The following THSD7A variants were observed in gnomAD, a reference collection of about 807,000 sequenced individuals.
The protein encoded by THSD7A is thrombospondin type 1 domain containing 7A, also known as thrombospondin type-1 domain-containing protein 7A.
A neutral mutation model predicts 231.3 loss-of-function variants in THSD7A; 96 were observed. The ratio of observed to expected loss-of-function variants is 0.41; its 90% CI spans 0.35 to 0.49. THSD7A has a LOEUF of 0.49. THSD7A is among the 20% of genes least tolerant of loss of function. The pLI, the probability that THSD7A is intolerant of heterozygous loss-of-function variation, is 0.05. For missense variants in THSD7A, 2,290 were observed against 2,070.2 expected (o/e 1.11, Z -2.06); for synonymous variants, 940 against 743.3 (o/e 1.26, Z -4.30).
chr7:11,471,577 A>G (rs551860248), intron 8 of THSD7A, among the ~76,000 whole-genome samples: 1 of 152,008 alleles, frequency 6.6e-6, no homozygotes, highest in Non-Finnish European at 1.5e-5. Context: ...TTACTTTAAA[A>G]CCCCAGTGTT....
chr7:11,539,488 A>G (rs1470422196), intron 6 of THSD7A, among the ~76,000 whole-genome samples: 1 of 152,216 alleles, frequency 6.6e-6, no homozygotes, highest in Non-Finnish European at 1.5e-5. Context: ...TACACAAAGT[A>G]AAACCAGCTC....
At chr7:11,502,413 C>A (rs758411887) in intron 6 of THSD7A, among the ~76,000 whole-genome samples, 12 of 152,158 alleles carry the variant, frequency 7.9e-5, no homozygotes, top group Non-Finnish European at 1.5e-4. Flanking sequence ...CCAAATCCAG[C>A]AGCACGTCAA....
At chr7:11,573,177 C>T (rs914172433) in intron 4 of THSD7A, among the ~76,000 whole-genome samples, 10 of 152,192 alleles carry the variant, frequency 6.6e-5, no homozygotes, top group Non-Finnish European at 1.2e-4. Context: ...CAGCATCACT[C>T]AGCACTGTGC....
intron 6 of THSD7A, among the ~76,000 whole-genome samples, chr7:11,512,400 A>G (rs1283767178): frequency 6.6e-6 from 1 of 152,176 alleles, no homozygotes; most frequent in Admixed American, 6.5e-5. Flanking sequence ...ATCTAGAACT[A>G]GAAATACCAT....
intron 1 of THSD7A, among the ~76,000 whole-genome samples, chr7:11,803,577 T>C: frequency 6.6e-6 from 1 of 152,090 alleles, no homozygotes; most frequent in East Asian, 1.9e-4. Flanking sequence ...GCATTTTGCT[T>C]TGGGCACAGA....
chr7:11,528,195 C>T (rs994940854), intron 6 of THSD7A, among the ~76,000 whole-genome samples: 1 of 151,962 alleles, frequency 6.6e-6, no homozygotes, highest in Non-Finnish European at 1.5e-5. Context: ...TAGAAAACAA[C>T]ACGTGGCTTC....
intron 11 of THSD7A, among the ~76,000 whole-genome samples, chr7:11,451,779 C>A (rs766960592): frequency 1.1e-4 from 16 of 152,002 alleles, no homozygotes; most frequent in Non-Finnish European, 4.4e-5. Context: ...ACTGATGCAG[C>A]TCTGAAGCAG....
intron 2 of THSD7A, among the ~76,000 whole-genome samples, chr7:11,633,443 C>T (rs532664550): frequency 4.2e-4 from 64 of 152,254 alleles, no homozygotes; most frequent in African/African-American, 1.4e-3. Context: ...TGATTTCAAG[C>T]AGAACTCAAG....
At chr7:11,483,552 C>G (rs1220825138) in intron 6 of THSD7A, among the ~76,000 whole-genome samples, 2 of 152,192 alleles carry the variant, frequency 1.3e-5, no homozygotes, top group East Asian at 3.9e-4. Flanking sequence ...ATGTACTAAA[C>G]AGATAGTAGA....
chr7:11,700,938 A>T (rs902624909), intron 1 of THSD7A, among the ~76,000 whole-genome samples: 5 of 151,288 alleles, frequency 3.3e-5, no homozygotes. Context: ...AGTCCTCTTT[A>T]AAGCAATGAG....
intron 4 of THSD7A, among the ~76,000 whole-genome samples, chr7:11,562,844 G>A (rs181383204): frequency 2.0e-5 from 3 of 152,276 alleles, no homozygotes; most frequent in African/African-American, 7.2e-5. Context: ...GGCACTAGTG[G>A]TGCGTTTTTG....
At chr7:11,488,424 T>C (rs1786752466) in intron 6 of THSD7A, among the ~76,000 whole-genome samples, 3 of 152,018 alleles carry the variant, frequency 2.0e-5, no homozygotes, top group Non-Finnish European at 4.4e-5. Context: ...GGTATGTAGG[T>C]CCAGAATCAC....
intron 2 of THSD7A, among the ~76,000 whole-genome samples, chr7:11,598,393 C>A (rs1365412401): frequency 6.6e-6 from 1 of 152,180 alleles, no homozygotes; most frequent in Admixed American, 6.5e-5. Context: ...ATGACCTGTT[C>A]TGTGGACACC....
At chr7:11,507,485 T>C (rs1031882329) in intron 6 of THSD7A, among the ~76,000 whole-genome samples, 1 of 152,166 alleles carries the variant, frequency 6.6e-6, no homozygotes, top group Non-Finnish European at 1.5e-5. Context: ...CAAGTGTTTA[T>C]ACTGACTTGT....
At chr7:11,389,203 T>G (rs2115323449) in intron 23 of THSD7A, among the ~76,000 whole-genome samples, 1 of 151,592 alleles carries the variant, frequency 6.6e-6, no homozygotes, top group Non-Finnish European at 1.5e-5. Flanking sequence ...TTATTGGCAG[T>G]GGTGTGTTAA....
intron 16 of THSD7A, among the ~76,000 whole-genome samples, chr7:11,418,758 T>G (rs1784042943): frequency 6.6e-6 from 1 of 152,182 alleles, no homozygotes; most frequent in East Asian, 1.9e-4. Flanking sequence ...GAAAACTGTG[T>G]TGTTGGTCAT....
Position 11,372,375 on chromosome 7 carries a change from A to G in THSD7A, c.*3419T>C, listed in dbSNP as rs1348050553. On this transcript the variant is annotated 3_prime_UTR_variant, in exon 28 of 28. Transcript: ENST00000423059. ...TTTACAATGCCTAGCAGAATGTCTTATATGTCAATAAATATTTGCCTTGTT... is the reference window on the plus strand; with the variant it reads ...TTTACAATGCCTAGCAGAATGTCTTGTATGTCAATAAATATTTGCCTTGTT... 1 of 143,080 alleles carries G rather than the reference A, an allele frequency of 7.0e-6. No homozygotes were observed. The highest frequency in any genetic ancestry group is 1.5e-5 in the Non-Finnish European group (1 of 66,194). 8.9% of individuals were successfully genotyped at this position (143,080 alleles called of 1,614,324 possible).
At chr7:11,379,578 G>A in intron 25 of THSD7A, 52 bp downstream of exon 25, 1 of 1,457,206 alleles carries the variant, frequency 6.9e-7, no homozygotes, top group Non-Finnish European at 9.4e-7. Flanking sequence ...AAGAGACAGT[G>A]GGGTGACACA....
In THSD7A at chr7:11,521,165, C is replaced by CAT. The variant is rs905405409; in HGVS notation, c.1822+20252_1822+20253dup. On this transcript the variant is annotated intron_variant, in intron 6 of 27. Coordinates refer to ENST00000423059, the MANE Select transcript of THSD7A (RefSeq NM_015204.3). ...ATATTTCTGAACATATTCACACAGACATATATATATGAATACATACATACT... is the reference window on the plus strand; with the variant it reads ...ATATTTCTGAACATATTCACACAGACATATATATATATGAATACATACATACT... Among the ~76,000 whole-genome samples the CAT allele has an allele frequency of 2.2e-4, 33 of 152,176 alleles. No homozygotes were observed. In the East Asian group the frequency reaches 5.2e-3, roughly 24 times the overall value.
Sources: allele counts gnomAD v4.1 joint callset (sites outside exome capture counted in the v4.1 genomes callset), GRCh38; gene constraint gnomAD v4.1.1; transcripts MANE v1.5; gene names NCBI Gene and HGNC (gene_info 2026-07-23, HGNC 2026-07-21).